The following PTPRD variants were observed in gnomAD, a reference collection of about 807,000 sequenced individuals.
PTPRD encodes receptor-type tyrosine-protein phosphatase delta.
A neutral mutation model predicts 214.5 loss-of-function variants in PTPRD; 34 were observed. The observed-to-expected ratio is 0.16, with a 90% CI of 0.12 to 0.21. The LOEUF (loss-of-function observed/expected upper bound fraction) is 0.21. PTPRD is among the 10% of genes least tolerant of loss of function. The pLI is 1.00. For missense variants in PTPRD, 2,545 were observed against 2,398.7 expected (o/e 1.06, Z -1.27); for synonymous variants, 1,128 against 845.7 (o/e 1.33, Z -5.79).
At chr9:9,100,989 T>C (rs1476072758) in intron 10 of PTPRD, among the ~76,000 whole-genome samples, 2 of 152,152 alleles carry the variant, frequency 1.3e-5, no homozygotes, top group Non-Finnish European at 2.9e-5. Flanking sequence ...ATTTATTTTG[T>C]TAATTTTTAT....
intron 14 of PTPRD, among the ~76,000 whole-genome samples, chr9:8,617,556 C>G (rs1284376104): frequency 1.3e-5 from 2 of 152,030 alleles, no homozygotes; most frequent in African/African-American, 4.8e-5. Flanking sequence ...ATTTGAGTCC[C>G]TTCTCTGTAG....
chr9:10,264,529 T>C (rs556974049), intron 3 of PTPRD, among the ~76,000 whole-genome samples: 2 of 152,312 alleles, frequency 1.3e-5, no homozygotes, highest in African/African-American at 4.8e-5. Flanking sequence ...TCCCTTTGTT[T>C]TGGCCATTCT....
intron 27 of PTPRD, among the ~76,000 whole-genome samples, chr9:8,490,386 T>G (rs990363840): frequency 2.0e-5 from 3 of 152,166 alleles, no homozygotes; most frequent in Admixed American, 2.0e-4. Flanking sequence ...TCAACCGAGG[T>G]ACTCAGTCCC....
At chr9:8,977,845 G>A (rs1327314451) in intron 11 of PTPRD, among the ~76,000 whole-genome samples, 64 of 152,082 alleles carry the variant, frequency 4.2e-4, no homozygotes, top group Non-Finnish European at 2.4e-4. Flanking sequence ...AAAGACTGAG[G>A]GAGGTAGAAA....
chr9:8,592,725 G>T (rs1220223572), intron 14 of PTPRD, among the ~76,000 whole-genome samples: 1 of 152,186 alleles, frequency 6.6e-6, no homozygotes, highest in Non-Finnish European at 1.5e-5. Context: ...CATAAGGGTT[G>T]CTGTGCTTGA....
intron 9 of PTPRD, among the ~76,000 whole-genome samples, chr9:9,359,583 T>G (rs1291855058): frequency 6.6e-6 from 1 of 151,262 alleles, no homozygotes; most frequent in South Asian, 2.1e-4. Context: ...AAACTGAACT[T>G]GAAACCAACT....
chr9:8,875,985 C>A (rs1268417537), intron 11 of PTPRD, among the ~76,000 whole-genome samples: 1 of 152,160 alleles, frequency 6.6e-6, no homozygotes, highest in Admixed American at 6.5e-5. Flanking sequence ...TAGCCCTATG[C>A]CTGGAATTCT....
At chr9:8,982,762 A>G (rs1490045940) in intron 11 of PTPRD, among the ~76,000 whole-genome samples, 1 of 152,034 alleles carries the variant, frequency 6.6e-6, no homozygotes, top group Non-Finnish European at 1.5e-5. Context: ...GCATGTCTTT[A>G]GAATATAAAT....
chr9:8,645,952 G>A (rs1039049584), intron 12 of PTPRD, among the ~76,000 whole-genome samples: 4 of 151,316 alleles, frequency 2.6e-5, no homozygotes, highest in Non-Finnish European at 4.4e-5. Context: ...CAATTATTAA[G>A]TTCTACTGAT....
intron 7 of PTPRD, among the ~76,000 whole-genome samples, chr9:9,628,437 C>T (rs1234494948): frequency 3.9e-5 from 6 of 152,062 alleles, no homozygotes; most frequent in African/African-American, 1.4e-4. Context: ...TTTCAGAATC[C>T]ATTCTGATGA....
intron 3 of PTPRD, among the ~76,000 whole-genome samples, chr9:10,299,968 C>T (rs2095810691): frequency 6.6e-6 from 1 of 152,088 alleles, no homozygotes; most frequent in South Asian, 2.1e-4. Flanking sequence ...ACTATGTATT[C>T]ATTTTATAAT....
chr9:10,227,211 C>T lies in PTPRD; in HGVS notation c.-545+113752G>A, dbSNP rs551841557. 4.6e-5 allele frequency among the ~76,000 whole-genome samples: 7 copies of T among 152,008 alleles called. No homozygotes were observed. In the East Asian group the frequency reaches 5.8e-4, roughly 13 times the overall value. ...ACTTGTTTACTATTACTGTCATCTC[C>T]GGTCTAGTGTGAGAGGATGTGAAAT... On this transcript the variant is annotated intron_variant, in intron 3 of 45. Transcript: ENST00000381196.
chr9:9,683,416 C>T (rs2097111350), intron 7 of PTPRD, among the ~76,000 whole-genome samples: 1 of 151,652 alleles, frequency 6.6e-6, no homozygotes, highest in African/African-American at 2.4e-5. Flanking sequence ...ATACCAGCAC[C>T]TGGTAAAACA....
At chr9:9,396,421 T>C (rs761868860) in intron 9 of PTPRD, among the ~76,000 whole-genome samples, 1 of 152,062 alleles carries the variant, frequency 6.6e-6, no homozygotes, top group Non-Finnish European at 1.5e-5. Context: ...ACATTATTCA[T>C]AGACATATTA....
intron 3 of PTPRD, among the ~76,000 whole-genome samples, chr9:10,314,370 A>G (rs1287506853): frequency 6.6e-6 from 1 of 151,926 alleles, no homozygotes; most frequent in Non-Finnish European, 1.5e-5. Flanking sequence ...GAAGGATGAG[A>G]TTTAAGAAGT....
At chr9:9,498,300 G>C (rs530868181) in intron 8 of PTPRD, among the ~76,000 whole-genome samples, 1 of 152,124 alleles carries the variant, frequency 6.6e-6, no homozygotes, top group African/African-American at 2.4e-5. Flanking sequence ...TATGAATGTT[G>C]ACATAAATGA....
chr9:8,925,798 A>G (rs1033449932), intron 11 of PTPRD, among the ~76,000 whole-genome samples: 2 of 151,064 alleles, frequency 1.3e-5, no homozygotes, highest in African/African-American at 2.4e-5. Flanking sequence ...AACTGCTGTA[A>G]TTAGTTCAAG....
At chr9:8,485,569 C>G (rs1238140790) in intron 28 of PTPRD, 193 bp downstream of exon 28, 4 of 642,932 alleles carry the variant, frequency 6.2e-6, no homozygotes, top group Non-Finnish European at 1.1e-5. Flanking sequence ...GTGCTGTCAG[C>G]CAGACTTGCT....
intron 10 of PTPRD, among the ~76,000 whole-genome samples, chr9:9,161,366 T>G (rs2154494059): frequency 6.6e-6 from 1 of 152,230 alleles, no homozygotes; most frequent in Non-Finnish European, 1.5e-5. Context: ...GGTCAGGAGA[T>G]AAAATTGGAG....
Sources: gnomAD v4.1 joint callset for allele counts (sites outside exome capture counted in the v4.1 genomes callset) on GRCh38, gnomAD v4.1.1 for gene constraint, MANE v1.5 for transcripts, NCBI Gene and HGNC (gene_info 2026-07-23, HGNC 2026-07-21) for gene names.